The following DUSP22 variants were observed in gnomAD, a reference collection of about 807,000 sequenced individuals.
DUSP22 encodes dual specificity phosphatase 22.
In DUSP22, 24 loss-of-function variants were observed where a neutral mutation model predicts 24.5. The observed-to-expected ratio is 0.98, with a 90% CI of 0.71 to 1.38. The LOEUF (loss-of-function observed/expected upper bound fraction) is 1.38. Among genes scored for constraint, DUSP22 ranks in the 40% most tolerant of loss-of-function variants. The pLI, the probability that DUSP22 is intolerant of heterozygous loss-of-function variation, is 0.00. For synonymous variants in DUSP22, 160 were observed against 106.4 expected (o/e 1.50, Z -3.10); for missense variants, 330 against 269.2 (o/e 1.23, Z -1.58).
At chr6:326,028 TTCTGGTGTGTGC>T in intron 3 of DUSP22, 1 of 236,404 alleles carries the variant, frequency 4.2e-6, no homozygotes, top group Non-Finnish European at 8.1e-6. Flanking sequence ...GGCTTCTGCG[TTCTGGTGTGTGC>T]AGTGCTGTAT....
intron 3 of DUSP22, among the ~76,000 whole-genome samples, chr6:334,832 A>G (rs560463266): frequency 1.4e-3 from 211 of 152,342 alleles, no homozygotes; most frequent in Non-Finnish European, 2.7e-3. Context: ...AAACTTACTG[A>G]AAAGTACTCA....
At position 348,637 on chromosome 6, in the gene DUSP22, G is replaced by C. The variant is rs1379876971; in HGVS notation, c.436-132G>C. 13 of 1,470,632 alleles carry C rather than the reference G, an allele frequency of 8.8e-6. No individual in the cohort carries two copies. The South Asian group carries it at 1.7e-4, about 19-fold the overall frequency. The allele number at this position is 1,470,632 out of a possible 1,614,324, so 91.1% of individuals were successfully genotyped here. ...CCTGGCTGGCCAACCACAGAGCTCT[G>C]ATTTCCCACTGCTGTTTGTTTCCCT... On this transcript the variant is annotated intron_variant, in intron 6 of 6. Transcript: ENST00000419235.
chr6:333,882 A>T (rs541441184), intron 3 of DUSP22, among the ~76,000 whole-genome samples: 1 of 152,428 alleles, frequency 6.6e-6, no homozygotes, highest in East Asian at 1.9e-4. Context: ...AGGTTGGGAC[A>T]TGAAGTGTGT....
At chr6:321,195 G>T (rs1758571703) in intron 3 of DUSP22, among the ~76,000 whole-genome samples, 2 of 152,304 alleles carry the variant, frequency 1.3e-5, no homozygotes, top group South Asian at 4.1e-4. Flanking sequence ...AGAGGTACAG[G>T]GTGCACTAAG....
At chr6:348,363 G>T (rs1160886600) in intron 6 of DUSP22, 89 bp downstream of exon 6, 1 of 1,573,142 alleles carries the variant, frequency 6.4e-7, no homozygotes, top group Non-Finnish European at 8.6e-7. Flanking sequence ...GCATCATGGC[G>T]TTTGGAGTTG....
chr6:319,137 TAA>T (rs60613949), intron 3 of DUSP22, among the ~76,000 whole-genome samples: 23 of 150,072 alleles, frequency 1.5e-4, no homozygotes, highest in African/African-American at 5.1e-4. Context: ...TTCCTCTATT[TAA>T]AAAAAAAAAA....
At chr6:293,644 G>A (rs1331894328) in intron 1 of DUSP22, among the ~76,000 whole-genome samples, 2 of 152,400 alleles carry the variant, frequency 1.3e-5, no homozygotes, top group East Asian at 1.9e-4. Context: ...TTGCAAATGC[G>A]GATTCACGGT....
chr6:293,983 C>T (rs1235906447), intron 1 of DUSP22, among the ~76,000 whole-genome samples: 1 of 152,274 alleles, frequency 6.6e-6, no homozygotes, highest in East Asian at 1.9e-4. Context: ...CGTTTGCCTT[C>T]CCATTGGTGG....
chr6:308,803 CT>C (rs1455810828), intron 2 of DUSP22, among the ~76,000 whole-genome samples: 2 of 152,300 alleles, frequency 1.3e-5, no homozygotes, highest in African/African-American at 4.8e-5. Context: ...CCCAATAAAG[CT>C]TTGTGAAAGG....
chr6:323,390 C>T (rs570417267), intron 3 of DUSP22, among the ~76,000 whole-genome samples: 141 of 152,378 alleles, frequency 9.3e-4, no homozygotes, highest in African/African-American at 3.2e-3. Context: ...CGCCAGCTAG[C>T]TCTGGCCTTC....
chr6:345,228 T>TC (rs1759804380), intron 4 of DUSP22, among the ~76,000 whole-genome samples: 1 of 152,070 alleles, frequency 6.6e-6, no homozygotes, highest in African/African-American at 2.4e-5. Flanking sequence ...TTCTTTCTTT[T>TC]TTTTTTTTTT....
chr6:309,755 CT>C, intron 2 of DUSP22, among the ~76,000 whole-genome samples: 1 of 152,266 alleles, frequency 6.6e-6, no homozygotes, highest in Non-Finnish European at 1.5e-5. Context: ...GTAATTCCGT[CT>C]CTGAGCTGGG....
intron 1 of DUSP22, among the ~76,000 whole-genome samples, chr6:297,935 T>C (rs1215253713): frequency 6.6e-6 from 1 of 152,306 alleles, no homozygotes; most frequent in Non-Finnish European, 1.5e-5. Flanking sequence ...GTCAAGACAC[T>C]GTGTTAGATC....
chr6:340,433 C>T (rs371568969), intron 4 of DUSP22, among the ~76,000 whole-genome samples: 7 of 152,412 alleles, frequency 4.6e-5, no homozygotes, highest in East Asian at 1.9e-4. Context: ...GATTTCTGCC[C>T]GAAGAGGAAG....
chr6:293,762 A>C (rs1351148468), intron 1 of DUSP22, among the ~76,000 whole-genome samples: 4 of 150,382 alleles, frequency 2.7e-5, no homozygotes, highest in Admixed American at 2.6e-4. Context: ...CTGCATATCA[A>C]TACTGGGGTA....
chr6:345,723 T>C (rs545122347), intron 4 of DUSP22, 131 bp from the exon 5 acceptor site: 19 of 1,102,944 alleles, frequency 1.7e-5, no homozygotes, highest in East Asian at 1.1e-4. Context: ...CCCATAAATA[T>C]GTAGAATTAT....
At position 350,074 on chromosome 6, in the gene DUSP22, G is replaced by C; in HGVS notation, c.*1123G>C. 1 of 985,690 alleles carries C rather than the reference G, an allele frequency of 1.0e-6. No homozygotes were observed. The highest frequency in any genetic ancestry group is 1.2e-6 in the Non-Finnish European group (1 of 830,046). 61.1% of individuals were successfully genotyped at this position (985,690 alleles called of 1,614,324 possible). ...AGCTTCTTGGTATTCACTTGGGTTT[G>C]ATAATTGATCTGAGCTACCTCATTG... On this transcript the variant is annotated 3_prime_UTR_variant, in exon 7 of 7. Transcript: ENST00000419235.
At chr6:345,718 A>G in intron 4 of DUSP22, 136 bp from the exon 5 acceptor site, 1 of 1,067,032 alleles carries the variant, frequency 9.4e-7, no homozygotes, top group East Asian at 2.6e-5. Flanking sequence ...TGTAGCCCAT[A>G]AATATGTAGA....
At chr6:326,344 T>C (rs1348138420) in intron 3 of DUSP22, among the ~76,000 whole-genome samples, 1 of 147,738 alleles carries the variant, frequency 6.8e-6, no homozygotes, top group Non-Finnish European at 1.5e-5. Flanking sequence ...TTCTGCGTTC[T>C]GGTGTGTGCA....
Sources: gnomAD v4.1 joint callset for allele counts (sites outside exome capture counted in the v4.1 genomes callset) on GRCh38, gnomAD v4.1.1 for gene constraint, MANE v1.5 for transcripts, NCBI Gene and HGNC (gene_info 2026-07-23, HGNC 2026-07-21) for gene names.